The following FER variants were observed in gnomAD, a reference collection of about 807,000 sequenced individuals.
The protein encoded by FER is tyrosine-protein kinase Fer.
A neutral mutation model predicts 111.0 loss-of-function variants in FER; 63 were observed. The observed-to-expected ratio is 0.57, with a 90% confidence interval of 0.46 to 0.70. The LOEUF is 0.70. Ranked by LOEUF, FER falls within the 30% of genes least tolerant of loss-of-function variation. The pLI, the probability that FER is intolerant of heterozygous loss-of-function variation, is 0.00. For missense variants in FER, 914 were observed against 954.0 expected, an observed-to-expected ratio of 0.96 and a Z score of 0.55; for synonymous variants, 327 against 313.9, an observed-to-expected ratio of 1.04 and a Z score of -0.44.
At chr5:108,988,019 G>T (rs1218869242) in intron 13 of FER, among the ~76,000 whole-genome samples, 1 of 152,068 alleles carries the variant, frequency 6.6e-6, no homozygotes, top group African/African-American at 2.4e-5. Context: ...GCTGAATTTT[G>T]TCAAATGCTT....
chr5:108,936,455 ATTATGTTGTTTATTTCATAT>A (rs1755484754), intron 10 of FER, among the ~76,000 whole-genome samples: 1 of 151,924 alleles, frequency 6.6e-6, no homozygotes, highest in Non-Finnish European at 1.5e-5. Context: ...CCAGTGGTTT[ATTATGTTGTTTATTTCATAT>A]TGATTCTCCT....
intron 2 of FER, among the ~76,000 whole-genome samples, chr5:108,777,849 C>G (rs368808772): frequency 2.6e-5 from 4 of 152,090 alleles, no homozygotes; most frequent in Admixed American, 2.0e-4. Context: ...CATCAGATCT[C>G]GTGAGACCCA....
At chr5:108,910,714 T>C (rs1027711812) in intron 10 of FER, among the ~76,000 whole-genome samples, 6 of 152,130 alleles carry the variant, frequency 3.9e-5, no homozygotes, top group African/African-American at 1.4e-4. Flanking sequence ...AGCCCCTGCT[T>C]ATAAGTGAGA....
chr5:109,184,143 A>G (rs558150680), intron 18 of FER, among the ~76,000 whole-genome samples: 4 of 152,324 alleles, frequency 2.6e-5, no homozygotes, highest in African/African-American at 4.8e-5. Context: ...TAAATCATCT[A>G]TTTATCATCA....
intron 9 of FER, among the ~76,000 whole-genome samples, chr5:108,895,304 A>G (rs115577592): frequency 1.1e-3 from 171 of 152,268 alleles, no homozygotes; most frequent in African/African-American, 3.9e-3. Context: ...CAGGGTTTGT[A>G]TTACTTTCAT....
At chr5:109,183,310 G>A (rs764080541) in intron 18 of FER, among the ~76,000 whole-genome samples, 22 of 142,182 alleles carry the variant, frequency 1.5e-4, no homozygotes, top group Admixed American at 6.6e-4. Context: ...GCGCAGCAGC[G>A]CGATCTAGGC....
chr5:108,897,584 C>T, intron 9 of FER, 75 bp from the exon 10 acceptor site: 5 of 1,070,032 alleles, frequency 4.7e-6, no homozygotes. Flanking sequence ...CAAAGAAAAG[C>T]ATAATTTACA....
intron 2 of FER, among the ~76,000 whole-genome samples, chr5:108,772,534 A>AT (rs1197937791): frequency 6.6e-6 from 1 of 152,016 alleles, no homozygotes; most frequent in Non-Finnish European, 1.5e-5. Context: ...GTTTCTTAGA[A>AT]TACTATTCAA....
intron 6 of FER, among the ~76,000 whole-genome samples, chr5:108,869,717 T>A (rs946573997): frequency 2.6e-5 from 4 of 152,134 alleles, no homozygotes; most frequent in Non-Finnish European, 4.4e-5. Context: ...AGATTAGGGA[T>A]AATATTTCTT....
intron 17 of FER, among the ~76,000 whole-genome samples, chr5:109,154,950 C>T (rs1755210626): frequency 6.6e-6 from 1 of 151,846 alleles, no homozygotes; most frequent in Non-Finnish European, 1.5e-5. Flanking sequence ...CCTATAACTA[C>T]AGAGCATCTC....
chr5:109,005,527 G>A (rs1765384808), intron 13 of FER, among the ~76,000 whole-genome samples: 1 of 152,134 alleles, frequency 6.6e-6, no homozygotes, highest in African/African-American at 2.4e-5. Context: ...TCCAACGTTT[G>A]TGCATACTCC....
chr5:109,049,902 C>A (rs1010411999), intron 16 of FER, among the ~76,000 whole-genome samples: 6 of 152,160 alleles, frequency 3.9e-5, no homozygotes, highest in African/African-American at 1.4e-4. Context: ...CTCTTGCATT[C>A]CAAATGAAAT....
At chr5:109,071,097 G>A (rs556673637) in intron 16 of FER, among the ~76,000 whole-genome samples, 1 of 151,976 alleles carries the variant, frequency 6.6e-6, no homozygotes, top group South Asian at 2.1e-4. Context: ...CATTTCTTAA[G>A]CGAAACATTA....
chr5:109,123,173 T>TTTTTTTA (rs1582134116), intron 17 of FER, among the ~76,000 whole-genome samples: 1 of 150,042 alleles, frequency 6.7e-6, no homozygotes, highest in Non-Finnish European at 1.5e-5. Context: ...TTTTTTTTTT[T>TTTTTTTA]GAGACGGAGT....
intron 5 of FER, among the ~76,000 whole-genome samples, chr5:108,846,750 T>C (rs184609666): frequency 1.3e-3 from 202 of 151,910 alleles, no homozygotes; most frequent in African/African-American, 4.3e-3. Flanking sequence ...GCCCGGCTAA[T>C]TTTTTTGTAT....
At chr5:108,963,502 C>A (rs1759410215) in intron 13 of FER, among the ~76,000 whole-genome samples, 1 of 152,086 alleles carries the variant, frequency 6.6e-6, no homozygotes, top group African/African-American at 2.4e-5. Flanking sequence ...GCAGAGGTTG[C>A]AGTGAGCTGA....
intron 17 of FER, among the ~76,000 whole-genome samples, chr5:109,151,196 A>G (rs1301699714): frequency 6.6e-6 from 1 of 152,038 alleles, no homozygotes. Flanking sequence ...TGTTTTATCC[A>G]TTTTTGAGTA....
intron 3 of FER, among the ~76,000 whole-genome samples, chr5:108,816,514 G>A (rs1261746308): frequency 6.6e-6 from 1 of 152,152 alleles, no homozygotes; most frequent in Non-Finnish European, 1.5e-5. Flanking sequence ...CGTTTAATAT[G>A]TGTAAAACTA....
intron 3 of FER, among the ~76,000 whole-genome samples, chr5:108,812,905 G>A (rs967321040): frequency 4.2e-5 from 6 of 142,884 alleles, no homozygotes; most frequent in Admixed American, 6.9e-5. Context: ...AATTATATGT[G>A]AGTTATAAAT....
Sources: allele counts gnomAD v4.1 joint callset (sites outside exome capture counted in the v4.1 genomes callset), GRCh38; gene constraint gnomAD v4.1.1; transcripts MANE v1.5; gene names NCBI Gene and HGNC (gene_info 2026-07-23, HGNC 2026-07-21).